CSMD2: variants seen among roughly 807,000 people sequenced by gnomAD.
The protein encoded by CSMD2 is CUB and Sushi multiple domains 2.
In CSMD2, 130 loss-of-function variants were observed where a neutral mutation model predicts 398.5. The observed-to-expected ratio is 0.33, with a 90% CI of 0.28 to 0.38. CSMD2 has a LOEUF of 0.38. Ranked by LOEUF, CSMD2 falls within the 10% of genes least tolerant of loss-of-function variation. The probability of loss-of-function intolerance (pLI) is 1.00; values close to 1 mark genes in which losing one functional copy is unlikely to be tolerated. For synonymous variants in CSMD2, 1,828 were observed against 1,908.5 expected, an observed-to-expected ratio of 0.96 and a Z score of 1.10; for missense variants, 3,829 against 4,764.9, an observed-to-expected ratio of 0.80 and a Z score of 5.78.
chr1:33,557,866 T>C lies in CSMD2; in HGVS notation c.8611A>G (p.Ser2871Gly). The C allele has an allele frequency of 6.5e-7, 1 of 1,536,042 alleles. No individual in the cohort carries two copies. The highest frequency in any genetic ancestry group is 8.7e-7 in the Non-Finnish European group (1 of 1,146,892). ...CCGAAGCTGAACCTGTGCGGGCCGC[T>C]GGCGTGGACCTGACGAACACTATTT... ...QENSVRQVHASGPHRFSFGTT... is the reference protein window; with the variant it reads ...QENSVRQVHAGGPHRFSFGTT... Residue 2871 changes from serine to glycine, a missense_variant, in exon 55 of 71, where the codon AGC becomes GGC. Ser to Gly is a moderately conservative substitution (Grantham distance 56). This residue lies in a region of CSMD2 where 917 missense variants were observed against 1,199.5 expected (regional missense o/e 0.76). Coordinates refer to ENST00000373381, the MANE Select transcript of CSMD2 (RefSeq NM_001281956.2).
intron 1 of CSMD2, among the ~76,000 whole-genome samples, chr1:34,159,717 GC>G (rs1386773753): frequency 1.3e-5 from 2 of 152,200 alleles, no homozygotes; most frequent in Non-Finnish European, 2.9e-5. Flanking sequence ...ACATCCAAGT[GC>G]TTAAGACAGT....
chr1:33,724,020 G>A (rs890662718), intron 19 of CSMD2, among the ~76,000 whole-genome samples, 177 bp downstream of exon 19: 3 of 152,158 alleles, frequency 2.0e-5, no homozygotes. Flanking sequence ...TATTGAACAA[G>A]TTCTACCATT....
At chr1:33,621,736 G>A (rs1411296812) in intron 37 of CSMD2, among the ~76,000 whole-genome samples, 2 of 152,166 alleles carry the variant, frequency 1.3e-5, no homozygotes, top group Admixed American at 1.3e-4. Context: ...CAGGATATAA[G>A]GGTTTGAGCC....
chr1:33,789,492 T>C (rs1265945621), intron 11 of CSMD2, among the ~76,000 whole-genome samples: 1 of 152,242 alleles, frequency 6.6e-6, no homozygotes, highest in Non-Finnish European at 1.5e-5. Flanking sequence ...CCTGATACAG[T>C]GGCAGAGCCA....
chr1:33,713,596 C>T (rs191502916), intron 21 of CSMD2, among the ~76,000 whole-genome samples: 58 of 152,260 alleles, frequency 3.8e-4, no homozygotes, highest in African/African-American at 7.7e-4. Context: ...CTGGGCACAG[C>T]GCTCTGAACA....
At chr1:34,143,679 T>G (rs1639510334) in intron 1 of CSMD2, among the ~76,000 whole-genome samples, 1 of 152,102 alleles carries the variant, frequency 6.6e-6, no homozygotes, top group Non-Finnish European at 1.5e-5. Context: ...GTTAAACATA[T>G]ACACAGATGG....
intron 12 of CSMD2, among the ~76,000 whole-genome samples, chr1:33,781,215 T>C (rs1652721847): frequency 6.6e-6 from 1 of 152,232 alleles, no homozygotes; most frequent in Non-Finnish European, 1.5e-5. Context: ...GTCAGCTTTC[T>C]AAGCCCACCT....
chr1:33,717,816 G>C (rs893513669), intron 19 of CSMD2, among the ~76,000 whole-genome samples: 1 of 151,994 alleles, frequency 6.6e-6, no homozygotes, highest in African/African-American at 2.4e-5. Flanking sequence ...GGAGCGATGG[G>C]GGAGATGGTC....
At position 33,633,561 on chromosome 1, in the gene CSMD2, C is replaced by A. The variant is rs1213801135; in HGVS notation, c.5087-26G>T. ...CTGTGGAGGAGACACAGTGTGGGGA[C>A]TGGGCAGGCACGCTGGGGGCAGGAG... On this transcript the variant is annotated intron_variant, in intron 31 of 70. Coordinates refer to ENST00000373381, the MANE Select transcript of CSMD2 (RefSeq NM_001281956.2). The surrounding 1 kb of genome is among the most constrained non-coding windows in gnomAD (Gnocchi z 5.0). 1 of 1,517,690 alleles carries A rather than the reference C, an allele frequency of 6.6e-7. No homozygotes were observed. Among genetic ancestry groups the A allele is most frequent in the East Asian group, 2.5e-5 (1 of 40,774 alleles). 94.0% of individuals were successfully genotyped at this position (1,517,690 alleles called of 1,614,324 possible).
chr1:33,662,757 T>A, intron 26 of CSMD2, 133 bp downstream of exon 26: 1 of 866,786 alleles, frequency 1.2e-6, no homozygotes, highest in African/African-American at 1.6e-5. Context: ...GCTAACCATG[T>A]ACCAGGCACA....
Position 33,635,065 on chromosome 1 carries a change from G to A in CSMD2, c.5086+149C>T, listed in dbSNP as rs1257293118. ...GTATTCTGCAGCCCGTTTGAGAAAC[G>A]TCAGCACTCGGCCGTCCTTTTGGGG... is the stretch of plus-strand genomic sequence containing the variant. On this transcript the variant is annotated intron_variant, in intron 31 of 70. Coordinates refer to ENST00000373381, the MANE Select transcript of CSMD2 (RefSeq NM_001281956.2). The surrounding 1 kb of genome is among the most constrained non-coding windows in gnomAD (Gnocchi z 5.0). 4 of 581,420 alleles carry A rather than the reference G, an allele frequency of 6.9e-6. No individual in the cohort carries two copies. The highest frequency in any genetic ancestry group is 1.3e-5 in the Non-Finnish European group (4 of 313,552). The allele number at this position is 581,420 out of a possible 1,614,324, so 36.0% of individuals were successfully genotyped here. A position where few individuals can be genotyped will look rare whatever the true frequency, so the allele number is the denominator to read the frequency against.
At position 33,519,966 on chromosome 1, in the gene CSMD2, G is replaced by A. The variant is rs1654113869; in HGVS notation, c.10598-16C>T. The A allele has an allele frequency of 6.2e-7, 1 of 1,613,132 alleles. No homozygotes were observed. The highest frequency in any genetic ancestry group is 1.7e-5 in the Admixed American group (1 of 60,000). ...AGCCTGAGGTCTGTAAAGTCCCAAA[G>A]CAGAAAAGTCAAGTCACGAGACACA... On this transcript the variant is annotated splice_polypyrimidine_tract_variant and intron_variant, in intron 68 of 70. Coordinates refer to ENST00000373381, the MANE Select transcript of CSMD2 (RefSeq NM_001281956.2). The surrounding 1 kb of genome is among the most constrained non-coding windows in gnomAD (Gnocchi z 5.6).
intron 2 of CSMD2, among the ~76,000 whole-genome samples, chr1:34,050,777 T>C (rs769599290): frequency 2.0e-4 from 30 of 152,206 alleles, no homozygotes; most frequent in Non-Finnish European, 8.8e-5. Context: ...CCTTATGCTA[T>C]GCTAGCCCAG....
chr1:34,067,918 G>A (rs572325277), intron 2 of CSMD2, among the ~76,000 whole-genome samples: 1 of 152,272 alleles, frequency 6.6e-6, no homozygotes, highest in South Asian at 2.1e-4. Flanking sequence ...AGTCAGGATT[G>A]GGGAGGCACA....
At position 33,772,657 on chromosome 1, in the gene CSMD2, C is replaced by A. The variant is rs1301190869; in HGVS notation, c.1758G>T (p.Glu586Asp). 1 of 1,614,076 alleles carries A rather than the reference C, an allele frequency of 6.2e-7. No homozygotes were observed. Among genetic ancestry groups the A allele is most frequent in the Non-Finnish European group, 8.5e-7 (1 of 1,180,030 alleles). Residue 586 changes from glutamate to aspartate, a missense_variant, in exon 13 of 71, where the codon GAG (glutamate) becomes GAT (aspartate). By Grantham distance (45) the Glu-to-Asp change is conservative. Around this residue, in one of 5 missense-constraint regions of CSMD2, gnomAD observed 2,001 missense variants for 2,567.1 expected, o/e 0.78. Transcript: ENST00000373381. ...RFHHGDTLKF[E>D]CQPAFELVGQ... The stretch of plus-strand genomic sequence containing the variant: ...CCACCAGCTCAAAGGCGGGCTGGCA[C>A]TCAAACTTGAGTGTGTCACCGTGGT...
chr1:33,600,524 C>A (rs188200066), intron 44 of CSMD2: 1 of 496,894 alleles, frequency 2.0e-6, no homozygotes, highest in African/African-American at 1.9e-5. Flanking sequence ...AAGGAGAACC[C>A]GCTAGAAAGT....
intron 5 of CSMD2, among the ~76,000 whole-genome samples, chr1:33,871,912 T>C (rs1553238918): frequency 6.6e-6 from 1 of 152,186 alleles, no homozygotes; most frequent in Non-Finnish European, 1.5e-5. Context: ...GGCCTCTTCC[T>C]GTTCTTATAA....
intron 4 of CSMD2, among the ~76,000 whole-genome samples, chr1:33,926,330 T>C (rs1644126233): frequency 6.6e-6 from 1 of 152,202 alleles, no homozygotes; most frequent in African/African-American, 2.4e-5. Context: ...GGTAGTCTCC[T>C]CCACATCCCT....
At chr1:34,023,725 T>C (rs1047132451) in intron 3 of CSMD2, among the ~76,000 whole-genome samples, 7 of 152,314 alleles carry the variant, frequency 4.6e-5, no homozygotes, top group African/African-American at 1.4e-4. Context: ...CTAGATTCTT[T>C]CTAGACCTTG....
Sources: gnomAD v4.1 joint callset for allele counts (sites outside exome capture counted in the v4.1 genomes callset) on GRCh38, gnomAD v4.1.1 for gene constraint, gnomAD v4.1.1 regional missense constraint, Gnocchi (gnomAD v3.1) non-coding constraint, MANE v1.5 for transcripts, NCBI Gene and HGNC (gene_info 2026-07-23, HGNC 2026-07-21) for gene names.